ROBO2: variants seen among roughly 807,000 people sequenced by gnomAD.
ROBO2 encodes roundabout homolog 2.
Under a neutral mutation model 160.8 loss-of-function variants are expected in ROBO2, and 53 were observed. The observed-to-expected ratio is 0.33, with a 90% confidence interval of 0.26 to 0.41. ROBO2 has a LOEUF of 0.41. Ranked by LOEUF, ROBO2 falls within the 10% of genes least tolerant of loss-of-function variation. ROBO2 has a pLI of 1.00. For synonymous variants in ROBO2, 664 were observed against 611.7 expected (o/e 1.09, Z -1.26); for missense variants, 1,577 against 1,722.4 (o/e 0.92, Z 1.49).
At chr3:77,609,720 C>T (rs1323267378) in intron 21 of ROBO2, among the ~76,000 whole-genome samples, 2 of 150,372 alleles carry the variant, frequency 1.3e-5, no homozygotes, top group African/African-American at 4.9e-5. Context: ...TTATTTAACA[C>T]AAATTATTTT....
intron 2 of ROBO2, among the ~76,000 whole-genome samples, chr3:77,117,472 A>C (rs2150233514): frequency 6.6e-6 from 1 of 152,296 alleles, no homozygotes. Flanking sequence ...TTCTAGTAAT[A>C]AAGAATAACA....
intron 2 of ROBO2, among the ~76,000 whole-genome samples, chr3:76,426,771 G>A (rs985199580): frequency 6.6e-6 from 1 of 152,104 alleles, no homozygotes; most frequent in East Asian, 1.9e-4. Context: ...AAGATTTTAG[G>A]AACCTAAGGT....
chr3:77,410,184 T>G (rs1274484451), intron 2 of ROBO2, among the ~76,000 whole-genome samples: 3 of 152,194 alleles, frequency 2.0e-5, no homozygotes, highest in Non-Finnish European at 4.4e-5. Context: ...TCAAAAATTC[T>G]TGAGACATGA....
intron 2 of ROBO2, among the ~76,000 whole-genome samples, chr3:77,193,275 CA>C (rs199951931): frequency 1.6e-3 from 231 of 144,402 alleles, no homozygotes; most frequent in African/African-American, 3.6e-3. Flanking sequence ...ACAGATAATT[CA>C]AAAAAAAAAA....
chr3:76,762,464 C>G (rs1278362051), intron 2 of ROBO2, among the ~76,000 whole-genome samples: 1 of 132,374 alleles, frequency 7.6e-6, no homozygotes, highest in South Asian at 2.5e-4. Flanking sequence ...TTTTTTTTAA[C>G]ATGAGTGAAC....
intron 2 of ROBO2, among the ~76,000 whole-genome samples, chr3:76,236,710 A>T (rs912007342): frequency 1.3e-5 from 2 of 152,130 alleles, no homozygotes; most frequent in African/African-American, 2.4e-5. Flanking sequence ...ATTATGAAAA[A>T]GGAGAAGTTA....
At chr3:77,323,160 A>G (rs1157079918) in intron 2 of ROBO2, among the ~76,000 whole-genome samples, 1 of 148,966 alleles carries the variant, frequency 6.7e-6, no homozygotes, top group Non-Finnish European at 1.5e-5. Flanking sequence ...TGTATCAAAT[A>G]GTGTTTTATC....
intron 2 of ROBO2, among the ~76,000 whole-genome samples, chr3:76,854,916 C>A (rs1203012685): frequency 6.6e-6 from 1 of 152,052 alleles, no homozygotes; most frequent in Non-Finnish European, 1.5e-5. Context: ...ACCAAAAGAA[C>A]CTAATTGTAT....
At position 76,477,666 on chromosome 3, in the gene ROBO2, A is replaced by G. The variant is rs982607540; in HGVS notation, c.109+540064A>G. Among the ~76,000 whole-genome samples the G allele has an allele frequency of 7.9e-5, 12 of 152,204 alleles. No homozygotes were observed. The South Asian group carries it at 2.5e-3, about 32-fold the overall frequency. ...AACTGCTCTTAATTTTTATTTTAAA[A>G]TTGACACCTTTTGCTGCTGCTCAAA... On this transcript the variant is annotated intron_variant, in intron 2 of 26. Transcript: ENST00000487694.
intron 2 of ROBO2, among the ~76,000 whole-genome samples, chr3:76,213,909 A>T (rs1276026277): frequency 6.6e-6 from 1 of 152,180 alleles, no homozygotes; most frequent in Non-Finnish European, 1.5e-5. Flanking sequence ...GGATAAATAC[A>T]GTATAGATAG....
At chr3:76,239,635 A>T (rs1207769705) in intron 2 of ROBO2, among the ~76,000 whole-genome samples, 1 of 152,196 alleles carries the variant, frequency 6.6e-6, no homozygotes, top group African/African-American at 2.4e-5. Flanking sequence ...GCATGAATTG[A>T]TTCACAAGTA....
chr3:77,372,537 C>A (rs989417226), intron 2 of ROBO2, among the ~76,000 whole-genome samples: 5 of 152,190 alleles, frequency 3.3e-5, no homozygotes, highest in Middle Eastern at 6.8e-3. Context: ...TAAAACATAA[C>A]CATCAGTAGT....
At chr3:77,519,875 G>T (rs1160164110) in intron 5 of ROBO2, among the ~76,000 whole-genome samples, 1 of 151,312 alleles carries the variant, frequency 6.6e-6, no homozygotes, top group Admixed American at 6.6e-5. Context: ...CCCAATGTCT[G>T]AACTAATTTA....
chr3:76,217,667 A>G (rs1316796155), intron 2 of ROBO2, among the ~76,000 whole-genome samples: 2 of 152,330 alleles, frequency 1.3e-5, no homozygotes, highest in Non-Finnish European at 1.5e-5. Context: ...TGAGGCAATA[A>G]TTAATAGCTT....
intron 2 of ROBO2, among the ~76,000 whole-genome samples, chr3:76,360,205 CACTAA>C (rs899268903): frequency 4.6e-5 from 7 of 152,148 alleles, no homozygotes; most frequent in Admixed American, 4.6e-4. Context: ...AAATCCATGT[CACTAA>C]ACTAAAGTTT....
At chr3:76,143,880 C>T (rs938258244) in intron 2 of ROBO2, among the ~76,000 whole-genome samples, 3 of 152,040 alleles carry the variant, frequency 2.0e-5, no homozygotes, top group East Asian at 3.9e-4. Context: ...GATTGTGTGG[C>T]GTTAGTTCCA....
chr3:76,451,048 G>A (rs575704198), intron 2 of ROBO2, among the ~76,000 whole-genome samples: 265 of 152,114 alleles, frequency 1.7e-3, no homozygotes, highest in Non-Finnish European at 3.1e-3. Context: ...ATTGCCATTC[G>A]GGGTTCCAGG....
chr3:77,515,992 A>G (rs2089978669), intron 5 of ROBO2, among the ~76,000 whole-genome samples: 1 of 151,546 alleles, frequency 6.6e-6, no homozygotes. Flanking sequence ...ATAAAAGAGT[A>G]TTTTTATCTA....
Position 77,644,886 on chromosome 3 carries a change from C to T in ROBO2, c.4117C>T (p.Gln1373Ter), listed in dbSNP as rs371413365. 3 of 1,613,944 alleles carry T rather than the reference C, an allele frequency of 1.9e-6. No individual in the cohort carries two copies. The highest frequency in any genetic ancestry group is 1.3e-5 in the African/African-American group (1 of 74,906). ...ATATATGGGCTCCAACAGTCAAGGA[C>T]AGTTTACAGGTGAATTATGTAAGTG... is the stretch of plus-strand genomic sequence containing the variant. The change falls in exon 25 of 26, where the codon CAG becomes TAG. Residue 1373 changes from glutamine to a stop codon, truncating the protein, a stop_gained. Transcript: ENST00000461745. LOFTEE classifies it high-confidence loss of function.
Sources: gnomAD v4.1 joint callset for allele counts (sites outside exome capture counted in the v4.1 genomes callset) on GRCh38, gnomAD v4.1.1 for gene constraint, MANE v1.5 for transcripts, NCBI Gene and HGNC (gene_info 2026-07-23, HGNC 2026-07-21) for gene names.